WARS2: variants seen among roughly 807,000 people sequenced by gnomAD.
WARS2 encodes tryptophan--tRNA ligase, mitochondrial.
WARS2 carries 28 observed loss-of-function variants against 36.5 expected under a neutral mutation model. The observed-to-expected ratio is 0.77, with a 90% confidence interval of 0.57 to 1.05. WARS2 has a LOEUF of 1.05. Ranked by LOEUF, WARS2 falls within the 50% of genes least tolerant of loss-of-function variation. The pLI is 0.00. For synonymous variants in WARS2, 174 were observed against 178.4 expected, an observed-to-expected ratio of 0.98 and a Z score of 0.20; for missense variants, 435 against 456.8, an observed-to-expected ratio of 0.95 and a Z score of 0.44.
chr1:119,033,220 G>T lies in WARS2; in HGVS notation c.774C>A (p.Phe258Leu). ...VQKFRKAVTDFTSEVTYDPAG... is the reference protein window; with the variant it reads ...VQKFRKAVTDLTSEVTYDPAG... ...CCGGGTCATAGGTGACCTCCGAGGT[G>T]AAGTCTGTCACAGCCTTGCGGAATT... Residue 258 changes from phenylalanine to leucine, a missense_variant, in exon 6 of 6, where the codon TTC (phenylalanine) becomes TTA (leucine). Coordinates refer to ENST00000235521, the MANE Select transcript of WARS2 (RefSeq NM_015836.4). 1 of 1,614,250 alleles carries T rather than the reference G, an allele frequency of 6.2e-7. No homozygotes were observed. Among genetic ancestry groups the T allele is most frequent in the Non-Finnish European group, 8.5e-7 (1 of 1,180,046 alleles).
At chr1:119,050,074 T>C (rs1207264020) in intron 2 of WARS2, among the ~76,000 whole-genome samples, 1 of 152,180 alleles carries the variant, frequency 6.6e-6, no homozygotes, top group African/African-American at 2.4e-5. Context: ...TGAGGCAAAG[T>C]CATCTCCTCC....
Position 119,048,512 on chromosome 1 carries a change from C to T in WARS2, c.349-2850G>A, listed in dbSNP as rs571283724. ...AAATAATACAGAGTGATCCCGTACG[C>T]CCTTAACCCAGTTTCCCTCAATGGC... On this transcript the variant is annotated intron_variant, in intron 2 of 5. Transcript: ENST00000235521. Among the ~76,000 whole-genome samples, 3 of 152,254 alleles carry T rather than the reference C, an allele frequency of 2.0e-5. No homozygotes were observed. In the South Asian group the frequency reaches 6.2e-4, roughly 32 times the overall value.
At chr1:119,079,891 C>T (rs190958741) in intron 1 of WARS2, among the ~76,000 whole-genome samples, 3 of 152,234 alleles carry the variant, frequency 2.0e-5, no homozygotes, top group East Asian at 1.9e-4. Context: ...CAAACACACA[C>T]ATAAAAGGCT....
At chr1:119,061,518 T>C (rs533895411) in intron 2 of WARS2, among the ~76,000 whole-genome samples, 1 of 152,244 alleles carries the variant, frequency 6.6e-6, no homozygotes, top group Admixed American at 6.5e-5. Flanking sequence ...TTAAGGAAGA[T>C]AGAGTTAGAA....
chr1:119,137,102 G>C (rs587734311), intron 1 of WARS2, among the ~76,000 whole-genome samples: 1 of 152,256 alleles, frequency 6.6e-6, no homozygotes, highest in African/African-American at 2.4e-5. Context: ...TAAGGAAAGG[G>C]ACAGTGAAAA....
chr1:119,075,895 TAA>T (rs71721534), intron 2 of WARS2, among the ~76,000 whole-genome samples: 26,791 of 152,102 alleles, frequency 0.18, 3,479 homozygotes, highest in East Asian at 0.47. Flanking sequence ...AAAACTATTA[TAA>T]AAAGAATGAA....
chr1:119,129,894 TA>T (rs1655970546), intron 1 of WARS2, among the ~76,000 whole-genome samples: 1 of 152,158 alleles, frequency 6.6e-6, no homozygotes, highest in African/African-American at 2.4e-5. Flanking sequence ...GAAGAAAATA[TA>T]AATTCTTTGC....
At chr1:119,086,561 G>A (rs1451783446) in intron 1 of WARS2, among the ~76,000 whole-genome samples, 1 of 152,130 alleles carries the variant, frequency 6.6e-6, no homozygotes, top group African/African-American at 2.4e-5. Flanking sequence ...GTCCCTGACT[G>A]CTCTTTTGAC....
intron 1 of WARS2, among the ~76,000 whole-genome samples, chr1:119,092,118 T>C (rs1055679321): frequency 5.9e-5 from 9 of 152,210 alleles, no homozygotes; most frequent in African/African-American, 2.2e-4. Flanking sequence ...AGAGAGTTTG[T>C]AATGAAGTAA....
chr1:119,103,495 C>T (rs1654017979), intron 1 of WARS2, among the ~76,000 whole-genome samples: 1 of 152,028 alleles, frequency 6.6e-6, no homozygotes, highest in Non-Finnish European at 1.5e-5. Context: ...TTATCATATG[C>T]CACTGACCCA....
chr1:119,042,943 G>GT (rs1446789039), intron 3 of WARS2, among the ~76,000 whole-genome samples: 1 of 152,208 alleles, frequency 6.6e-6, no homozygotes, highest in Non-Finnish European at 1.5e-5. Flanking sequence ...TGCTGAAGCA[G>GT]TGAGGGTCAA....
chr1:119,128,616 T>A (rs1655860752), intron 1 of WARS2, among the ~76,000 whole-genome samples: 1 of 113,268 alleles, frequency 8.8e-6, no homozygotes, highest in Non-Finnish European at 1.6e-5. Context: ...ACAATATACA[T>A]GCTTTATTCT....
At position 119,131,740 on chromosome 1, in the gene WARS2, C is replaced by T. The variant is rs186808984; in HGVS notation, c.90+8815G>A. 8.1e-3 allele frequency among the ~76,000 whole-genome samples: 1,226 copies of T among 152,180 alleles called. 13 individuals carry two copies. Among genetic ancestry groups the T allele is most frequent in the African/African-American group, 0.027 (1,139 of 41,518 alleles). The stretch of plus-strand genomic sequence containing the variant: ...CCTCCCAAAGTGCTGGGATTACAGG[C>T]GTGAGCCACAGCGCCGGCCCGGACT... On this transcript the variant is annotated intron_variant, in intron 1 of 5. Transcript: ENST00000235521.
chr1:119,047,010 G>A (rs1233790208), intron 2 of WARS2, among the ~76,000 whole-genome samples: 2 of 152,114 alleles, frequency 1.3e-5, no homozygotes, highest in East Asian at 1.9e-4. Context: ...TGTTTGATAA[G>A]GAATCACTTT....
At chr1:119,108,443 T>G (rs968918633) in intron 1 of WARS2, among the ~76,000 whole-genome samples, 1 of 152,026 alleles carries the variant, frequency 6.6e-6, no homozygotes, top group African/African-American at 2.4e-5. Flanking sequence ...ATTGGCCCAT[T>G]TTATTTAGGT....
At position 119,140,542 on chromosome 1, in the gene WARS2, C is replaced by T. The variant is rs1237564466; in HGVS notation, c.90+13G>A. On this transcript the variant is annotated intron_variant, in intron 1 of 5. Coordinates refer to ENST00000235521, the MANE Select transcript of WARS2 (RefSeq NM_015836.4). ...GATGGGAAGCCGCGGAGGGAAGGGCCGTCTTTGGTTACCTGGAGAGCGGGA... is the reference window on the plus strand; with the variant it reads ...GATGGGAAGCCGCGGAGGGAAGGGCTGTCTTTGGTTACCTGGAGAGCGGGA... 2.5e-6 allele frequency: 4 copies of T among 1,611,796 alleles called. No individual in the cohort carries two copies. Among genetic ancestry groups the T allele is most frequent in the South Asian group, 1.1e-5 (1 of 90,946 alleles).
chr1:119,129,305 G>C (rs587748501), intron 1 of WARS2, among the ~76,000 whole-genome samples: 25 of 152,318 alleles, frequency 1.6e-4, no homozygotes, highest in Admixed American at 4.6e-4. Context: ...CCAGCCTCCA[G>C]AACTGTGACA....
chr1:119,135,109 A>T (rs1371210057), intron 1 of WARS2, among the ~76,000 whole-genome samples: 1 of 152,218 alleles, frequency 6.6e-6, no homozygotes, highest in Non-Finnish European at 1.5e-5. Flanking sequence ...TGTAGTTATA[A>T]AATATATACA....
chr1:119,038,442 A>G (rs1336529775), intron 4 of WARS2, among the ~76,000 whole-genome samples: 2 of 152,228 alleles, frequency 1.3e-5, no homozygotes, highest in East Asian at 3.8e-4. Context: ...AGAAAGAGAA[A>G]TAATAATAAT....
Sources: gnomAD v4.1 joint callset for allele counts (sites outside exome capture counted in the v4.1 genomes callset) on GRCh38, gnomAD v4.1.1 for gene constraint, MANE v1.5 for transcripts, NCBI Gene and HGNC (gene_info 2026-07-23, HGNC 2026-07-21) for gene names.